Variants in LOC128462377 observed in about 807,000 individuals in gnomAD.
chr16:89,392,172 T>C, the LOC128462377 span, among the ~76,000 whole-genome samples: 2 of 152,242 alleles, frequency 1.3e-5, no homozygotes, highest in African/African-American at 4.8e-5. Flanking sequence ...CGTCAGGTTA[T>C]AAATGACCCT....
the LOC128462377 span, among the ~76,000 whole-genome samples, chr16:89,414,536 C>T: frequency 3.9e-3 from 600 of 152,346 alleles, 1 homozygote; most frequent in Non-Finnish European, 7.0e-3. Flanking sequence ...TTTAAAGCCT[C>T]TATTTTCATG....
the LOC128462377 span, among the ~76,000 whole-genome samples, chr16:89,336,700 C>G: frequency 1.3e-5 from 2 of 152,224 alleles, no homozygotes; most frequent in African/African-American, 4.8e-5. Flanking sequence ...CCGGCCTGTC[C>G]TAAAAGCACG....
chr16:89,411,231 A>G, the LOC128462377 span, among the ~76,000 whole-genome samples: 1 of 152,210 alleles, frequency 6.6e-6, no homozygotes, highest in Non-Finnish European at 1.5e-5. Flanking sequence ...TGCTGGTGCC[A>G]CCACGGGGGC....
At chr16:89,337,591 C>A in the LOC128462377 span, among the ~76,000 whole-genome samples, 33 of 151,948 alleles carry the variant, frequency 2.2e-4, no homozygotes, top group Non-Finnish European at 4.7e-4. Flanking sequence ...CGCCTGCCAC[C>A]ATGCCCAGAT....
At chr16:89,357,237 G>A in the LOC128462377 span, among the ~76,000 whole-genome samples, 2 of 152,128 alleles carry the variant, frequency 1.3e-5, no homozygotes, top group Non-Finnish European at 2.9e-5. Context: ...AACACACCCA[G>A]GATTCACCTC....
At chr16:89,374,345 AT>A in the LOC128462377 span, among the ~76,000 whole-genome samples, 5,426 of 147,836 alleles carry the variant, frequency 0.037, 211 homozygotes, top group African/African-American at 0.092. Context: ...TGTAAAAAAA[AT>A]AATAATAATA....
the LOC128462377 span, among the ~76,000 whole-genome samples, chr16:89,379,754 A>C: frequency 6.6e-6 from 1 of 152,272 alleles, no homozygotes; most frequent in Non-Finnish European, 1.5e-5. Flanking sequence ...GTGATTCACA[A>C]AGAACTTGGA....
chr16:89,363,394 G>A, the LOC128462377 span, among the ~76,000 whole-genome samples: 21 of 152,102 alleles, frequency 1.4e-4, no homozygotes, highest in African/African-American at 4.6e-4. Context: ...GTTAATGGGT[G>A]CAGCACACCA....
the LOC128462377 span, among the ~76,000 whole-genome samples, chr16:89,369,034 A>AC: frequency 9.2e-5 from 14 of 151,612 alleles, no homozygotes; most frequent in South Asian, 2.1e-3. Context: ...AGACTGAGAG[A>AC]CCCCCCACTG....
At chr16:89,369,245 C>T in the LOC128462377 span, among the ~76,000 whole-genome samples, 4 of 151,764 alleles carry the variant, frequency 2.6e-5, no homozygotes, top group South Asian at 4.2e-4. Context: ...GGCAGTGCAG[C>T]GACCTACACC....
At chr16:89,412,812 G>A in the LOC128462377 span, among the ~76,000 whole-genome samples, 47 of 152,184 alleles carry the variant, frequency 3.1e-4, no homozygotes, top group East Asian at 7.1e-3. Flanking sequence ...TACAGTAACC[G>A]CAATATTATA....
the LOC128462377 span, among the ~76,000 whole-genome samples, chr16:89,334,889 T>A: frequency 6.6e-6 from 1 of 151,886 alleles, no homozygotes; most frequent in Non-Finnish European, 1.5e-5. Flanking sequence ...CACGAGTGTG[T>A]CTGCTGTGGC....
chr16:89,410,082 G>A, the LOC128462377 span, among the ~76,000 whole-genome samples: 1 of 152,068 alleles, frequency 6.6e-6, no homozygotes, highest in Non-Finnish European at 1.5e-5. Context: ...CTCGTGATCC[G>A]CCCGCCTCGG....
At chr16:89,381,567 CAAGT>C in the LOC128462377 span, among the ~76,000 whole-genome samples, 1 of 152,150 alleles carries the variant, frequency 6.6e-6, no homozygotes, top group East Asian at 1.9e-4. Flanking sequence ...ATTATCCAAA[CAAGT>C]AACTTACATG....
chr16:89,403,310 C>A, the LOC128462377 span, among the ~76,000 whole-genome samples: 1 of 152,190 alleles, frequency 6.6e-6, no homozygotes, highest in Admixed American at 6.5e-5. Flanking sequence ...GGCCTGCTCC[C>A]CCCTCCTGAC....
At chr16:89,374,310 C>A in the LOC128462377 span, among the ~76,000 whole-genome samples, 1 of 151,654 alleles carries the variant, frequency 6.6e-6, no homozygotes, top group South Asian at 2.1e-4. Context: ...CCGAGGTCAG[C>A]GAGTTATGGC....
At chr16:89,409,150 A>G in the LOC128462377 span, among the ~76,000 whole-genome samples, 1 of 152,222 alleles carries the variant, frequency 6.6e-6, no homozygotes, top group African/African-American at 2.4e-5. Flanking sequence ...AGCAGAAAAC[A>G]GATTTTTTAG....
the LOC128462377 span, among the ~76,000 whole-genome samples, chr16:89,328,350 T>A: frequency 6.6e-6 from 1 of 152,232 alleles, no homozygotes. Flanking sequence ...AGGACATTTA[T>A]CTGAGAAAAT....
the LOC128462377 span, among the ~76,000 whole-genome samples, chr16:89,413,818 C>G: frequency 6.6e-6 from 1 of 152,116 alleles, no homozygotes; most frequent in East Asian, 1.9e-4. Flanking sequence ...CCACAACGCC[C>G]TAGGATGCAG....
Sources: allele counts gnomAD v4.1 joint callset (sites outside exome capture counted in the v4.1 genomes callset), GRCh38; gene constraint gnomAD v4.1.1; transcripts MANE v1.5.